Variants in NEURL3 observed in about 807,000 individuals in gnomAD.
NEURL3 encodes the protein neuralized E3 ubiquitin protein ligase 3, also known as E3 ubiquitin-protein ligase NEURL3.
Under a neutral mutation model 17.6 loss-of-function variants are expected in NEURL3, and 19 were observed. That is an observed-to-expected ratio of 1.08 (90% CI 0.75 to 1.58). The LOEUF is 1.58. NEURL3 is among the 40% of genes most tolerant of loss of function. The pLI is 0.00. For synonymous variants in NEURL3, 180 were observed against 161.4 expected (o/e 1.11, Z -0.87); for missense variants, 342 against 379.6 (o/e 0.90, Z 0.82).
intron 1 of NEURL3, among the ~76,000 whole-genome samples, chr2:96,501,961 C>CT (rs2065512567): frequency 6.6e-6 from 1 of 152,204 alleles, no homozygotes; most frequent in African/African-American, 2.4e-5. Context: ...GGCAGGCACT[C>CT]TGACTACACA....
intron 1 of NEURL3, among the ~76,000 whole-genome samples, chr2:96,501,795 C>A (rs1176488135): frequency 6.6e-6 from 1 of 152,184 alleles, no homozygotes; most frequent in East Asian, 1.9e-4. Flanking sequence ...CCTTGCCCCT[C>A]CCCTCCTGGT....
chr2:96,497,970 T>C lies in NEURL3; in HGVS notation c.*274A>G, dbSNP rs1327203044. The C allele has an allele frequency of 6.9e-6, 3 of 433,960 alleles. No individual in the cohort carries two copies. The Admixed American group carries it at 1.2e-4, about 18-fold the overall frequency. 26.9% of individuals were successfully genotyped at this position (433,960 alleles called of 1,614,324 possible). On this transcript the variant is annotated 3_prime_UTR_variant, in exon 4 of 4. Transcript: ENST00000451794. ...GAACTCCCTCAGATGTAAAACTGAT[T>C]GGGGATTGGGCCACCCCATCTCTAA...
chr2:96,501,756 G>T (rs1371428198), intron 1 of NEURL3, among the ~76,000 whole-genome samples: 2 of 152,182 alleles, frequency 1.3e-5, no homozygotes, highest in Non-Finnish European at 2.9e-5. Flanking sequence ...AGCTGGTGGG[G>T]CTTCCTACCC....
At position 96,500,832 on chromosome 2, in the gene NEURL3, G is replaced by T; in HGVS notation, c.121C>A (p.Arg41Ser). 1.3e-6 allele frequency: 2 copies of T among 1,530,172 alleles called. No homozygotes were observed. Among genetic ancestry groups the T allele is most frequent in the Non-Finnish European group, 1.7e-6 (2 of 1,144,248 alleles). The allele number at this position is 1,530,172 out of a possible 1,614,324, so 94.8% of individuals were successfully genotyped here. A position where few individuals can be genotyped will look rare whatever the true frequency, so the allele number is the denominator to read the frequency against. ...LDTRGCIAHR[R>S]TTFHDGIVFS... ...ACGATGCCGTCGTGGAACGTGGTGC[G>T]CCTGTGCGCGATGCAGCCACGCGTG... The change falls in exon 2 of 4, where the codon CGC becomes AGC. Residue 41 changes from arginine to serine, a missense_variant. Transcript: ENST00000451794.
chr2:96,501,389 G>A (rs2065506300), intron 1 of NEURL3, among the ~76,000 whole-genome samples: 1 of 151,994 alleles, frequency 6.6e-6, no homozygotes, highest in Admixed American at 6.6e-5. Context: ...AAAAATGACG[G>A]AAGAGGAGAC....
intron 2 of NEURL3, among the ~76,000 whole-genome samples, chr2:96,499,688 C>T (rs2065480424): frequency 6.6e-6 from 1 of 152,114 alleles, no homozygotes; most frequent in Admixed American, 6.5e-5. Context: ...CCTTCAGGCC[C>T]CTCTTCTTTG....
intron 3 of NEURL3, 76 bp downstream of exon 3, chr2:96,499,302 T>G: frequency 6.4e-7 from 1 of 1,570,980 alleles, no homozygotes; most frequent in Non-Finnish European, 8.6e-7. Context: ...GAACAACCAG[T>G]AGGACGTGGG....
chr2:96,500,407 C>A, intron 2 of NEURL3, 32 bp downstream of exon 2: 1 of 1,595,734 alleles, frequency 6.3e-7, no homozygotes, highest in Non-Finnish European at 8.5e-7. Flanking sequence ...CATCTCCCCA[C>A]CTCCCCTGCG....
chr2:96,500,372 C>A (rs975558199), intron 2 of NEURL3, 67 bp downstream of exon 2: 5 of 1,576,882 alleles, frequency 3.2e-6, no homozygotes, highest in Non-Finnish European at 4.3e-6. Context: ...GGCTCTGGAT[C>A]GGTGTGGGGT....
In NEURL3 at chr2:96,498,223, C is replaced by T; in HGVS notation, c.*21G>A. On this transcript the variant is annotated 3_prime_UTR_variant, in exon 4 of 4. Coordinates refer to ENST00000451794, the MANE Select transcript of NEURL3 (RefSeq NM_001285485.2). This position sits in a 1 kb window ranked among gnomAD's most constrained non-coding sequence, Gnocchi z 4.4. The stretch of plus-strand genomic sequence containing the variant: ...ACTCAGATCTAGGCCCGGGCTGCCA[C>T]TCATACTGGGAAGCCTCCTTTCATG... 1 of 1,523,200 alleles carries T rather than the reference C, an allele frequency of 6.6e-7. No individual in the cohort carries two copies. Among genetic ancestry groups the T allele is most frequent in the Middle Eastern group, 2.3e-4 (1 of 4,364 alleles). 94.4% of individuals were successfully genotyped at this position (1,523,200 alleles called of 1,614,324 possible). A position where few individuals can be genotyped will look rare whatever the true frequency, so the allele number is the denominator to read the frequency against.
rs772987796 is a variant in NEURL3 at position 96,500,472 on chromosome 2, C to T, written c.481G>A (p.Val161Met). 4 of 1,596,750 alleles carry T rather than the reference C, an allele frequency of 2.5e-6. No homozygotes were observed. Among genetic ancestry groups the T allele is most frequent in the African/African-American group, 2.7e-5 (2 of 74,912 alleles). Residue 161 changes from valine (V) to methionine (M), a missense_variant, in exon 2 of 4, where the codon GTG becomes ATG. Physicochemically the swap from Val to Met is conservative, Grantham distance 21. Coordinates refer to ENST00000451794, the MANE Select transcript of NEURL3 (RefSeq NM_001285485.2). ...TCGATGGCCTTAGTGGTCCCATACA[C>T]GTCCATCACGGCCCAGAGCGGGGCG... Reference protein sequence around the residue: ...VGAPLWAVMDVYGTTKAIELL... With the variant: ...VGAPLWAVMDMYGTTKAIELL...
At chr2:96,502,616 C>A (rs1348159666) in intron 1 of NEURL3, among the ~76,000 whole-genome samples, 2 of 152,260 alleles carry the variant, frequency 1.3e-5, no homozygotes, top group Non-Finnish European at 2.9e-5. Context: ...CCTCTTGGCA[C>A]AACCAGCCAC....
At chr2:96,505,650 C>T (rs1433020580), upstream of NEURL3, among the ~76,000 whole-genome samples, 1 of 152,208 alleles carries the variant, frequency 6.6e-6, no homozygotes, top group Non-Finnish European at 1.5e-5. Flanking sequence ...CAGCCCCGCC[C>T]CCAAAGACTC....
chr2:96,500,514 C>A lies in NEURL3; in HGVS notation c.439G>T (p.Glu147Ter). Residue 147 changes from glutamate (E) to a stop codon, truncating the protein, a stop_gained, in exon 2 of 4, where the codon GAG becomes TAG. Coordinates refer to ENST00000451794, the MANE Select transcript of NEURL3 (RefSeq NM_001285485.2). LOFTEE classifies it high-confidence loss of function. ...VNAGCRLLLR[E>*]GVPVGAPLWA... ...AGCGGGGCGCCGACGGGCACGCCCT[C>A]ACGCAGCAGGAGCCGGCAGCCGGCG... 6.3e-7 allele frequency: 1 copy of A among 1,589,014 alleles called. No homozygotes were observed. Among genetic ancestry groups the A allele is most frequent in the Non-Finnish European group, 8.5e-7 (1 of 1,175,916 alleles).
chr2:96,505,176 T>C, intron 1 of NEURL3, 83 bp downstream of exon 1: 2 of 1,526,270 alleles, frequency 1.3e-6, no homozygotes, highest in Non-Finnish European at 1.8e-6. Flanking sequence ...ACATCTCTAC[T>C]CCAGCAATGA....
intron 1 of NEURL3, 146 bp downstream of exon 1, chr2:96,505,113 G>A: frequency 2.3e-6 from 2 of 858,042 alleles, no homozygotes; most frequent in Admixed American, 2.4e-5. Context: ...AGGTCCCATA[G>A]CTCAACTTGG....
chr2:96,504,877 C>CAAAAAAAAGAAAAAAA (rs2065546845), intron 1 of NEURL3, among the ~76,000 whole-genome samples: 1 of 55,280 alleles, frequency 1.8e-5, no homozygotes, highest in African/African-American at 6.3e-5. Flanking sequence ...GACTCCGTCT[C>CAAAAAAAAGAAAAAAA]AAAAAAAAAA....
At chr2:96,506,131 A>G (rs1401512146), upstream of NEURL3, among the ~76,000 whole-genome samples, 1 of 152,206 alleles carries the variant, frequency 6.6e-6, no homozygotes, top group Non-Finnish European at 1.5e-5. Flanking sequence ...ACATTGCAAC[A>G]TACTCTCAAA....
chr2:96,502,226 G>A (rs948186769), intron 1 of NEURL3, among the ~76,000 whole-genome samples: 5 of 152,246 alleles, frequency 3.3e-5, no homozygotes, highest in Non-Finnish European at 7.4e-5. Flanking sequence ...ATCCCTTCCT[G>A]CGAATCCCAG....
Sources: allele counts gnomAD v4.1 joint callset (sites outside exome capture counted in the v4.1 genomes callset), GRCh38; gene constraint gnomAD v4.1.1; non-coding constraint Gnocchi (gnomAD v3.1); transcripts MANE v1.5; gene names NCBI Gene and HGNC (gene_info 2026-07-23, HGNC 2026-07-21).